The following KDM2B variants were observed in gnomAD, a reference collection of about 807,000 sequenced individuals.
KDM2B encodes lysine demethylase 2B, also known as lysine-specific demethylase 2B.
A neutral mutation model predicts 150.0 loss-of-function variants in KDM2B; 26 were observed. That is an observed-to-expected ratio of 0.17 (90% CI 0.13 to 0.24). KDM2B has a LOEUF of 0.24. KDM2B is among the 10% of genes least tolerant of loss of function. The probability of loss-of-function intolerance (pLI) is 1.00; values close to 1 mark genes in which losing one functional copy is unlikely to be tolerated. For synonymous variants in KDM2B, 734 were observed against 729.5 expected, an observed-to-expected ratio of 1.01 and a Z score of -0.10; for missense variants, 1,265 against 1,816.9, an observed-to-expected ratio of 0.70 and a Z score of 5.52.
intron 8 of KDM2B, 93 bp downstream of exon 8, chr12:121,532,713 C>T: frequency 7.3e-7 from 1 of 1,368,260 alleles, no homozygotes; most frequent in Non-Finnish European, 1.0e-6. Flanking sequence ...CCTGTCAAAC[C>T]CACCAGGCCC....
intron 22 of KDM2B, among the ~76,000 whole-genome samples, chr12:121,437,875 G>A (rs1874265519): frequency 6.8e-6 from 1 of 147,256 alleles, no homozygotes; most frequent in Admixed American, 7.0e-5. Flanking sequence ...TGGTTACACC[G>A]ATGAGAGGGG....
At chr12:121,503,644 A>AG (rs1388673442) in intron 11 of KDM2B, among the ~76,000 whole-genome samples, 16 of 149,866 alleles carry the variant, frequency 1.1e-4, no homozygotes, top group Admixed American at 1.1e-3. Flanking sequence ...AGGGGGGATG[A>AG]GGGGGCTGCT....
intron 13 of KDM2B, among the ~76,000 whole-genome samples, chr12:121,446,436 GA>G (rs1566273551): frequency 6.6e-6 from 1 of 152,214 alleles, no homozygotes; most frequent in Non-Finnish European, 1.5e-5. Flanking sequence ...TATCTCTGAT[GA>G]AACAGTAAAA....
intron 12 of KDM2B, among the ~76,000 whole-genome samples, chr12:121,486,532 A>AT (rs750733609): frequency 2.6e-4 from 40 of 151,552 alleles, no homozygotes; most frequent in South Asian, 8.4e-4. Flanking sequence ...CACTCTTGTA[A>AT]TCCCCACACT....
rs377326162 is a variant in KDM2B, at chr12:121,522,111, G to GA, written c.932-1012dup. 3.3e-3 allele frequency among the ~76,000 whole-genome samples: 483 copies of GA among 148,276 alleles called. 1 individual carries two copies. The highest frequency in any genetic ancestry group is 6.9e-3 in the Middle Eastern group (2 of 288). ...GTAACAGAGATAACCATCTCAAAAA[G>GA]AAAAAAAAAGAAGAAACGATAATAG... On this transcript the variant is annotated intron_variant, in intron 8 of 22. Transcript: ENST00000377071.
chr12:121,423,748 C>T, the KDM2B span: 2 of 624,228 alleles, frequency 3.2e-6, no homozygotes, highest in Non-Finnish European at 5.4e-6. This position sits in a 1 kb window ranked among gnomAD's most constrained non-coding sequence, Gnocchi z 4.3. Context: ...TTGGTCCATG[C>T]CGTGAGCCTG....
intron 12 of KDM2B, among the ~76,000 whole-genome samples, chr12:121,463,068 G>A (rs1368432439): frequency 5.3e-5 from 8 of 150,068 alleles, no homozygotes; most frequent in African/African-American, 1.5e-4. Flanking sequence ...TATAATCCCA[G>A]CACTTTGGGA....
the KDM2B span, chr12:121,416,094 C>A: frequency 7.4e-7 from 1 of 1,346,030 alleles, no homozygotes; most frequent in Non-Finnish European, 1.1e-6. Flanking sequence ...ATAGCATTCC[C>A]TGAGGATCCC....
downstream of KDM2B, among the ~76,000 whole-genome samples, chr12:121,428,454 T>C (rs76369618): frequency 0.03 from 4,585 of 151,528 alleles, 99 homozygotes; most frequent in Admixed American, 0.054. Flanking sequence ...AAGTGCTGGA[T>C]CCACTCCACG....
chr12:121,445,343 C>A lies in KDM2B; in HGVS notation c.2035G>T (p.Gly679Cys), dbSNP rs782092985. 1 of 1,613,088 alleles carries A rather than the reference C, an allele frequency of 6.2e-7. No homozygotes were observed. Among genetic ancestry groups the A allele is most frequent in the Non-Finnish European group, 8.5e-7 (1 of 1,179,272 alleles). Reference protein sequence around the residue: ...GKEDTVEEEEGKFNLMLMECS... With the variant: ...GKEDTVEEEECKFNLMLMECS... Reference sequence around the variant, plus strand: ...TCCATGAGCATGAGGTTAAACTTGCCTTCCTCCTCTTCCACCGTGTCTTCC... The same window carrying A: ...TCCATGAGCATGAGGTTAAACTTGCATTCCTCCTCTTCCACCGTGTCTTCC... The change falls in exon 14 of 23, where the codon GGC becomes TGC. Residue 679 changes from glycine to cysteine, a missense_variant. Coordinates refer to ENST00000377071, the MANE Select transcript of KDM2B (RefSeq NM_032590.5).
chr12:121,457,386 C>T (rs544211068), intron 12 of KDM2B, among the ~76,000 whole-genome samples: 77 of 152,106 alleles, frequency 5.1e-4, no homozygotes, highest in African/African-American at 1.8e-3. Flanking sequence ...TTCAGCCTCC[C>T]GAATAGCTGG....
intron 11 of KDM2B, among the ~76,000 whole-genome samples, chr12:121,507,990 A>G (rs1404881835): frequency 6.6e-6 from 1 of 152,218 alleles, no homozygotes; most frequent in Non-Finnish European, 1.5e-5. Flanking sequence ...CAGCCTGTGC[A>G]ACAGAGTAAC....
chr12:121,451,329 TATAAG>T (rs1475340575), intron 13 of KDM2B, among the ~76,000 whole-genome samples: 2 of 152,214 alleles, frequency 1.3e-5, no homozygotes, highest in East Asian at 3.8e-4. Flanking sequence ...ATATAATACA[TATAAG>T]ATATGTGTTA....
intron 13 of KDM2B, among the ~76,000 whole-genome samples, chr12:121,449,118 G>A (rs10849886): frequency 6.0e-5 from 9 of 151,012 alleles, no homozygotes; most frequent in Non-Finnish European, 1.3e-4. Flanking sequence ...ATGGCAGAAC[G>A]GGCTCTGAGC....
chr12:121,559,544 A>G (rs1228526621), intron 4 of KDM2B, among the ~76,000 whole-genome samples: 1 of 152,164 alleles, frequency 6.6e-6, no homozygotes, highest in Admixed American at 6.6e-5. Flanking sequence ...GGTGATAGCA[A>G]CAGAGGGGAC....
the KDM2B span, chr12:121,423,756 C>T: frequency 1.7e-6 from 1 of 598,538 alleles, no homozygotes; most frequent in Non-Finnish European, 2.9e-6. This position sits in a 1 kb window ranked among gnomAD's most constrained non-coding sequence, Gnocchi z 4.3. Context: ...TGCCGTGAGC[C>T]TGTCTGCCTG....
chr12:121,432,178 G>A (rs1289521182), intron 22 of KDM2B, among the ~76,000 whole-genome samples: 3 of 151,934 alleles, frequency 2.0e-5, no homozygotes, highest in Admixed American at 6.6e-5. Flanking sequence ...CACCGTGCCC[G>A]GCAATAACTC....
the KDM2B span, among the ~76,000 whole-genome samples, chr12:121,413,514 C>A: frequency 6.7e-6 from 1 of 148,554 alleles, no homozygotes; most frequent in Non-Finnish European, 1.5e-5. Flanking sequence ...TGGGTTCAAG[C>A]GATTCTCCTG....
rs564735873 is a variant in KDM2B at position 121,566,074 on chromosome 12, A to G, written c.397+8473T>C. On this transcript the variant is annotated intron_variant, in intron 4 of 22. Transcript: ENST00000377071. ...CTATAGATCAAAATATAATCGTTCA[A>G]ACAATAAGGCTTTTTGAGAAAAACG... Among the ~76,000 whole-genome samples the G allele has an allele frequency of 1.5e-3, 233 of 152,334 alleles. 1 individual carries two copies. Among genetic ancestry groups the G allele is most frequent in the Non-Finnish European group, 2.1e-3 (144 of 68,038 alleles).
Sources: allele counts gnomAD v4.1 joint callset (sites outside exome capture counted in the v4.1 genomes callset), GRCh38; gene constraint gnomAD v4.1.1; non-coding constraint Gnocchi (gnomAD v3.1); transcripts MANE v1.5; gene names NCBI Gene and HGNC (gene_info 2026-07-23, HGNC 2026-07-21).